DOCK3: variants seen among roughly 807,000 people sequenced by gnomAD.
The protein encoded by DOCK3 is dedicator of cytokinesis 3, also known as dedicator of cytokinesis protein 3.
DOCK3 carries 60 observed loss-of-function variants against 265.6 expected under a neutral mutation model. The observed-to-expected ratio is 0.23, with a 90% confidence interval of 0.18 to 0.28. DOCK3 has a LOEUF of 0.28. Ranked by LOEUF, DOCK3 falls within the 10% of genes least tolerant of loss-of-function variation. DOCK3 has a pLI of 1.00. For missense variants in DOCK3, 1,981 were observed against 2,594.3 expected (o/e 0.76, Z 5.14); for synonymous variants, 881 against 938.0 (o/e 0.94, Z 1.11).
intron 5 of DOCK3, among the ~76,000 whole-genome samples, chr3:51,009,321 C>T (rs1165174806): frequency 1.3e-5 from 2 of 152,116 alleles, no homozygotes; most frequent in Non-Finnish European, 2.9e-5. Context: ...TTCAGAGATT[C>T]AACTTCTTCC....
intron 12 of DOCK3, among the ~76,000 whole-genome samples, chr3:51,205,197 GAAAA>G (rs532613332): frequency 6.7e-6 from 1 of 148,592 alleles, no homozygotes; most frequent in East Asian, 2.0e-4. Context: ...TAAATACAGT[GAAAA>G]AAAAAGAAAA....
At chr3:50,694,019 A>G (rs1266692020) in intron 1 of DOCK3, among the ~76,000 whole-genome samples, 1 of 152,124 alleles carries the variant, frequency 6.6e-6, no homozygotes, top group Non-Finnish European at 1.5e-5. Context: ...CTGTAATCCC[A>G]GCACTTTGGG....
chr3:50,788,876 C>T (rs1195184696), intron 2 of DOCK3, among the ~76,000 whole-genome samples: 2 of 152,224 alleles, frequency 1.3e-5, no homozygotes, highest in Non-Finnish European at 2.9e-5. Context: ...CCGCCCCGTC[C>T]CCTTCCTTTG....
At chr3:51,341,504 G>A (rs1351187731) in intron 38 of DOCK3, 119 bp downstream of exon 38, 2 of 1,421,742 alleles carry the variant, frequency 1.4e-6, no homozygotes, top group Non-Finnish European at 1.9e-6. Flanking sequence ...GAGTGGGTGG[G>A]TGCCTATCTA....
At chr3:51,246,382 A>G (rs2078843641) in intron 21 of DOCK3, among the ~76,000 whole-genome samples, 1 of 152,044 alleles carries the variant, frequency 6.6e-6, no homozygotes, top group East Asian at 1.9e-4. Flanking sequence ...ACAGGCACGC[A>G]CCACCATGCC....
At chr3:51,024,561 G>T (rs1409913680) in intron 5 of DOCK3, among the ~76,000 whole-genome samples, 1 of 152,208 alleles carries the variant, frequency 6.6e-6, no homozygotes, top group African/African-American at 2.4e-5. Context: ...TAGGCCAGCA[G>T]AAAAGCTTTC....
intron 9 of DOCK3, among the ~76,000 whole-genome samples, chr3:51,092,027 C>T (rs1197961061): frequency 6.6e-6 from 1 of 152,234 alleles, no homozygotes; most frequent in Non-Finnish European, 1.5e-5. Context: ...AGGAGATTCC[C>T]TCTGGTGCCT....
chr3:51,288,926 G>C (rs1180871736), intron 27 of DOCK3, among the ~76,000 whole-genome samples: 1 of 151,228 alleles, frequency 6.6e-6, no homozygotes, highest in African/African-American at 2.4e-5. Flanking sequence ...GTGTGTGTGT[G>C]CCCATGTGTG....
At chr3:51,141,913 A>G (rs1359976216) in intron 9 of DOCK3, among the ~76,000 whole-genome samples, 1 of 148,200 alleles carries the variant, frequency 6.7e-6, no homozygotes, top group African/African-American at 2.5e-5. Flanking sequence ...TTTCCCCATT[A>G]CATTTTCTCT....
In DOCK3 at chr3:50,726,918, A is replaced by T. The variant is rs374915848; in HGVS notation, c.37+51618A>T. 3.9e-4 allele frequency among the ~76,000 whole-genome samples: 60 copies of T among 152,308 alleles called. 1 individual carries two copies. Among genetic ancestry groups the T allele is most frequent in the African/African-American group, 1.4e-3 (59 of 41,558 alleles). ...TCACAGGGGGAAAAAGAAAGAATAG[A>T]ACCTTTCCATGAGAAAGCTTGATCA... On this transcript the variant is annotated intron_variant, in intron 1 of 52. Coordinates refer to ENST00000266037, the MANE Select transcript of DOCK3 (RefSeq NM_004947.5).
At chr3:51,271,830 A>T (rs193282941) in intron 24 of DOCK3, among the ~76,000 whole-genome samples, 67 of 150,560 alleles carry the variant, frequency 4.5e-4, no homozygotes, top group Non-Finnish European at 8.6e-4. Flanking sequence ...AAGCCTGAGC[A>T]ACAGAGCGAG....
At chr3:50,717,645 C>T (rs527294444) in intron 1 of DOCK3, among the ~76,000 whole-genome samples, 22 of 152,096 alleles carry the variant, frequency 1.4e-4, no homozygotes, top group African/African-American at 4.6e-4. Context: ...TAAATTGAGA[C>T]GGAGTCTCAC....
At chr3:50,823,936 T>G (rs1225028248) in intron 2 of DOCK3, among the ~76,000 whole-genome samples, 1 of 152,258 alleles carries the variant, frequency 6.6e-6, no homozygotes, top group Non-Finnish European at 1.5e-5. Flanking sequence ...TTGTGAAATA[T>G]TACTACCTCC....
At chr3:50,765,844 A>G (rs1372055885) in intron 1 of DOCK3, among the ~76,000 whole-genome samples, 1 of 152,160 alleles carries the variant, frequency 6.6e-6, no homozygotes, top group Non-Finnish European at 1.5e-5. Context: ...TTACTATGAA[A>G]TAGAACACCA....
chr3:51,341,522 A>ACATCTTAGGCACAT, intron 38 of DOCK3, 137 bp downstream of exon 38: 2 of 1,242,248 alleles, frequency 1.6e-6, no homozygotes, highest in Non-Finnish European at 2.3e-6. Flanking sequence ...CTATGTGCCT[A>ACATCTTAGGCACAT]AGATGTGGAG....
At chr3:50,778,272 G>C (rs938013338) in intron 1 of DOCK3, among the ~76,000 whole-genome samples, 1 of 151,954 alleles carries the variant, frequency 6.6e-6, no homozygotes, top group Non-Finnish European at 1.5e-5. Flanking sequence ...AAATTTATTT[G>C]ATGATTCTTT....
At chr3:50,681,589 C>G (rs1261692035) in intron 1 of DOCK3, among the ~76,000 whole-genome samples, 1 of 152,086 alleles carries the variant, frequency 6.6e-6, no homozygotes, top group East Asian at 1.9e-4. Context: ...CTCTTAAAAC[C>G]TTAAATTTTT....
chr3:51,023,717 T>C lies in DOCK3; in HGVS notation c.316-40731T>C, dbSNP rs193069960. ...GCATGAGCCATCAGGCCTGGTCTGA[T>C]TGATTTTTTCTTTATAGTTATCTAT... On this transcript the variant is annotated intron_variant, in intron 5 of 52. Coordinates refer to ENST00000266037, the MANE Select transcript of DOCK3 (RefSeq NM_004947.5). Among the ~76,000 whole-genome samples the C allele has an allele frequency of 3.0e-3, 453 of 152,308 alleles. 3 individuals carry two copies. The highest frequency in any genetic ancestry group is 5.6e-3 in the South Asian group (27 of 4,826).
rs368819970 is a variant in DOCK3 at position 50,925,824 on chromosome 3, C to CTTTTTTTTTTTTTTTTTTTTT, written c.219-8153_219-8133dup. 4.5e-5 allele frequency among the ~76,000 whole-genome samples: 4 copies of CTTTTTTTTTTTTTTTTTTTTT among 88,424 alleles called. 1 individual carries two copies. Among genetic ancestry groups the CTTTTTTTTTTTTTTTTTTTTT allele is most frequent in the African/African-American group, 2.1e-4 (4 of 19,374 alleles). The allele number at this position is 88,424 out of a possible 152,430, so 58.0% of individuals were successfully genotyped here. ...TCAGCAGCTACTAGGTAAAACTAGT[C>CTTTTTTTTTTTTTTTTTTTTT]TTTTTTTTTTTTTTTTTTTTTTTTG... On this transcript the variant is annotated intron_variant, in intron 4 of 52. Transcript: ENST00000266037.
Sources: allele counts gnomAD v4.1 joint callset (sites outside exome capture counted in the v4.1 genomes callset), GRCh38; gene constraint gnomAD v4.1.1; transcripts MANE v1.5; gene names NCBI Gene and HGNC (gene_info 2026-07-23, HGNC 2026-07-21).